The following FAM171A1 variants were observed in gnomAD, a reference collection of about 807,000 sequenced individuals.
FAM171A1 encodes family with sequence similarity 171 member A1.
FAM171A1 carries 23 observed loss-of-function variants against 74.9 expected under a neutral mutation model. The observed-to-expected ratio is 0.31, with a 90% CI of 0.22 to 0.44. FAM171A1 has a LOEUF of 0.44. FAM171A1 is among the 20% of genes least tolerant of loss of function. The pLI is 1.00. For synonymous variants in FAM171A1, 527 were observed against 505.7 expected (o/e 1.04, Z -0.57); for missense variants, 1,162 against 1,159.2 (o/e 1.00, Z -0.03).
At chr10:15,357,589 T>C (rs1835948402) in intron 1 of FAM171A1, among the ~76,000 whole-genome samples, 1 of 152,192 alleles carries the variant, frequency 6.6e-6, no homozygotes, top group Admixed American at 6.5e-5. Flanking sequence ...TTTGTGAATT[T>C]CCTGGTATGT....
chr10:15,299,317 C>G (rs1483784972), intron 1 of FAM171A1, among the ~76,000 whole-genome samples: 1 of 152,138 alleles, frequency 6.6e-6, no homozygotes, highest in Non-Finnish European at 1.5e-5. Flanking sequence ...CAGTATTAAG[C>G]ATGTCTATGA....
chr10:15,216,243 C>T (rs1474310965), intron 6 of FAM171A1, 133 bp from the exon 7 acceptor site: 6 of 535,468 alleles, frequency 1.1e-5, no homozygotes, highest in African/African-American at 1.9e-5. Context: ...AGGAAAACGC[C>T]CTTGGATCAT....
chr10:15,312,593 A>G (rs1835372887), intron 1 of FAM171A1, among the ~76,000 whole-genome samples: 1 of 146,576 alleles, frequency 6.8e-6, no homozygotes, highest in African/African-American at 2.5e-5. Context: ...GCCCGGCTGC[A>G]AACTGAACTG....
At chr10:15,296,792 C>G (rs939616885) in intron 1 of FAM171A1, among the ~76,000 whole-genome samples, 1 of 152,152 alleles carries the variant, frequency 6.6e-6, no homozygotes. Flanking sequence ...TTTACAGTCT[C>G]TAGACATCCA....
intron 1 of FAM171A1, among the ~76,000 whole-genome samples, chr10:15,316,650 T>A (rs966103864): frequency 2.0e-5 from 3 of 152,160 alleles, no homozygotes; most frequent in African/African-American, 7.2e-5. Flanking sequence ...AAAGCAGCTG[T>A]TTCTGATCTC....
chr10:15,337,409 G>A (rs1322720533), intron 1 of FAM171A1, among the ~76,000 whole-genome samples: 2 of 152,240 alleles, frequency 1.3e-5, no homozygotes, highest in Non-Finnish European at 2.9e-5. Context: ...ATACATCAAA[G>A]GCCGTTGGAA....
intron 1 of FAM171A1, among the ~76,000 whole-genome samples, chr10:15,327,777 C>A (rs1588555779): frequency 6.6e-6 from 1 of 152,018 alleles, no homozygotes; most frequent in African/African-American, 2.4e-5. Flanking sequence ...CTTGAGGGTG[C>A]AGGTTGGCAG....
In FAM171A1 at chr10:15,319,052, A is replaced by C. The variant is rs1835455258; in HGVS notation, c.98-34947T>G. ...ATACTTTGGTCTACAGGAGGCCATC[A>C]ATGTGCTCAGAGAATAACCAGGAAT... On this transcript the variant is annotated intron_variant, in intron 1 of 7. Transcript: ENST00000378116. 2.0e-5 allele frequency among the ~76,000 whole-genome samples: 3 copies of C among 152,206 alleles called. No individual in the cohort carries two copies. The South Asian group carries it at 6.2e-4, about 31-fold the overall frequency.
At chr10:15,226,360 C>T (rs1314795371) in intron 5 of FAM171A1, among the ~76,000 whole-genome samples, 1 of 152,206 alleles carries the variant, frequency 6.6e-6, no homozygotes, top group Non-Finnish European at 1.5e-5. Flanking sequence ...GGATGAAATT[C>T]TGCGTTACTG....
chr10:15,372,668 CA>C (rs1346930264), upstream of FAM171A1, among the ~76,000 whole-genome samples: 30 of 129,648 alleles, frequency 2.3e-4, no homozygotes, highest in Middle Eastern at 5.6e-3. Context: ...CACTGCACTC[CA>C]GCCTGGATGA....
chr10:15,326,140 A>G (rs1364243363), intron 1 of FAM171A1, among the ~76,000 whole-genome samples: 1 of 152,204 alleles, frequency 6.6e-6, no homozygotes, highest in Non-Finnish European at 1.5e-5. Flanking sequence ...TTTATGTTCC[A>G]TTAATAACTC....
chr10:15,237,601 A>T (rs1156234643), intron 5 of FAM171A1: 1 of 152,238 alleles, frequency 6.6e-6, no homozygotes, highest in African/African-American at 2.4e-5. Context: ...CCACAGTGGC[A>T]ACAGACACCA....
At chr10:15,326,853 C>T (rs768319634) in intron 1 of FAM171A1, among the ~76,000 whole-genome samples, 1 of 152,146 alleles carries the variant, frequency 6.6e-6, no homozygotes, top group African/African-American at 2.4e-5. Context: ...GTTTTGAACT[C>T]CTGACCTCAA....
At chr10:15,287,609 A>T (rs1323479253) in intron 1 of FAM171A1, among the ~76,000 whole-genome samples, 1 of 151,700 alleles carries the variant, frequency 6.6e-6, no homozygotes, top group East Asian at 1.9e-4. Context: ...GATGGTCTTG[A>T]TCTCTTGACC....
chr10:15,325,727 C>T (rs773257542), intron 1 of FAM171A1, among the ~76,000 whole-genome samples: 3 of 152,064 alleles, frequency 2.0e-5, no homozygotes, highest in African/African-American at 7.2e-5. Context: ...CCATGTTACA[C>T]GCTCATCTTC....
chr10:15,360,359 T>TGGC (rs1013958843), intron 1 of FAM171A1, among the ~76,000 whole-genome samples: 10 of 152,248 alleles, frequency 6.6e-5, no homozygotes, highest in African/African-American at 2.4e-4. Flanking sequence ...GCTCCATTTG[T>TGGC]GGCAGTTCGT....
rs948387388 is a variant in FAM171A1 at position 15,259,685 on chromosome 10, A to G, written c.419-4806T>C. Among the ~76,000 whole-genome samples the G allele has an allele frequency of 5.3e-5, 8 of 152,074 alleles. No individual in the cohort carries two copies. The East Asian group carries it at 1.5e-3, about 29-fold the overall frequency. On this transcript the variant is annotated intron_variant, in intron 3 of 7. Transcript: ENST00000378116. ...CAAAGTCATTCTGCTTGTAAGAGGT[A>G]GAAAGGAATTATTTTAATTCTAACT...
chr10:15,218,959 C>T (rs186119355), intron 6 of FAM171A1, among the ~76,000 whole-genome samples: 1 of 152,180 alleles, frequency 6.6e-6, no homozygotes, highest in African/African-American at 2.4e-5. Context: ...AGGGGAGCTA[C>T]GTCTGGCAGT....
intron 1 of FAM171A1, among the ~76,000 whole-genome samples, chr10:15,292,145 T>A (rs1347953891): frequency 6.6e-6 from 1 of 151,926 alleles, no homozygotes; most frequent in African/African-American, 2.4e-5. Flanking sequence ...CTCTCTGGGG[T>A]CTCTCAAGCA....
Sources: allele counts gnomAD v4.1 joint callset (sites outside exome capture counted in the v4.1 genomes callset), GRCh38; gene constraint gnomAD v4.1.1; transcripts MANE v1.5; gene names NCBI Gene and HGNC (gene_info 2026-07-23, HGNC 2026-07-21).